The following ZNF860 variants were observed in gnomAD, a reference collection of about 807,000 sequenced individuals.
ZNF860 encodes zinc finger protein 860.
For missense variants in ZNF860, 641 were observed against 759.2 expected (o/e 0.84, Z 1.83); for synonymous variants, 206 against 248.9 (o/e 0.83, Z 1.62).
At position 31,981,932 on chromosome 3, in the gene ZNF860, G is replaced by A. The variant is rs916736304; in HGVS notation, c.-421+30G>A. The A allele has an allele frequency of 1.3e-5, 2 of 152,222 alleles. No homozygotes were observed. The highest frequency in any genetic ancestry group is 6.5e-5 in the Admixed American group (1 of 15,284). The allele number at this position is 152,222 out of a possible 1,614,324, so 9.4% of individuals were successfully genotyped here. ...GCTCGCCGGGCATTTTCATGCAGCA[G>A]GATTATGATAAATGCTTAACAGACA... On this transcript the variant is annotated intron_variant, in intron 1 of 1. Coordinates refer to ENST00000360311, the MANE Select transcript of ZNF860 (RefSeq NM_001137674.3). This position sits in a 1 kb window ranked among gnomAD's most constrained non-coding sequence, Gnocchi z 4.5.
chr3:31,989,799 T>G lies in ZNF860; in HGVS notation c.720T>G (p.Asn240Lys). Residue 240 changes from asparagine (N) to lysine (K), a missense_variant, in exon 2 of 2, where the codon AAT becomes AAG. Asn to Lys is a moderately conservative substitution (Grantham distance 94, BLOSUM62 0). Transcript: ENST00000360311. Reference sequence around the variant, plus strand: ...GTAATGAGAGTGGCAAAGCCTTTAATTGTAGCTCACTCTTAAGGAAACATC... The same window carrying G: ...GTAATGAGAGTGGCAAAGCCTTTAAGTGTAGCTCACTCTTAAGGAAACATC... ...FQCNESGKAF[N>K]CSSLLRKHQI... The G allele has an allele frequency of 6.2e-7, 1 of 1,614,170 alleles. No individual in the cohort carries two copies. The highest frequency in any genetic ancestry group is 2.2e-5 in the East Asian group (1 of 44,872).
chr3:32,003,804 C>G, the ZNF860 span, among the ~76,000 whole-genome samples: 1 of 152,112 alleles, frequency 6.6e-6, no homozygotes, highest in East Asian at 1.9e-4. Context: ...CCAAGGCTGT[C>G]CCTGGAGGTC....
In ZNF860 at chr3:31,981,757, C is replaced by G. The variant is rs1260603187; in HGVS notation, c.-566C>G. 1 of 152,404 alleles carries G rather than the reference C, an allele frequency of 6.6e-6. No homozygotes were observed. Among genetic ancestry groups the G allele is most frequent in the Non-Finnish European group, 1.5e-5 (1 of 68,244 alleles). The allele number at this position is 152,404 out of a possible 1,614,324, so 9.4% of individuals were successfully genotyped here. A position where few individuals can be genotyped will look rare whatever the true frequency, so the allele number is the denominator to read the frequency against. The stretch of plus-strand genomic sequence containing the variant: ...GGCCTGACAGGCTCACACGCACACT[C>G]CCTCTCTCGGTCTTCCGCACACGAT... On this transcript the variant is annotated 5_prime_UTR_variant, in exon 1 of 2. Coordinates refer to ENST00000360311, the MANE Select transcript of ZNF860 (RefSeq NM_001137674.3). This position sits in a 1 kb window ranked among gnomAD's most constrained non-coding sequence, Gnocchi z 4.5.
downstream of ZNF860, among the ~76,000 whole-genome samples, chr3:31,991,896 T>A (rs1383928161): frequency 6.6e-6 from 1 of 151,058 alleles, no homozygotes; most frequent in Admixed American, 6.6e-5. Context: ...CAGTGGCTCA[T>A]GCCTGTAATC....
Position 31,990,293 on chromosome 3 carries a change from A to G in ZNF860, c.1214A>G (p.Lys405Arg), listed in dbSNP as rs753451627. 1.2e-5 allele frequency: 19 copies of G among 1,614,138 alleles called. No individual in the cohort carries two copies. The East Asian group carries it at 3.3e-4, about 28-fold the overall frequency. Reference sequence around the variant, plus strand: ...CTTTATAAATGTAATGATTGTCACAAAGTCTTCAGTAATGCTACAACCATT... The same window carrying G: ...CTTTATAAATGTAATGATTGTCACAGAGTCTTCAGTAATGCTACAACCATT... The part of the protein sequence containing the change: ...GKLYKCNDCH[K>R]VFSNATTIAN... Residue 405 changes from lysine to arginine, a missense_variant, in exon 2 of 2, where the codon AAA becomes AGA. Transcript: ENST00000360311.
downstream of ZNF860, among the ~76,000 whole-genome samples, chr3:31,993,718 A>G (rs922255699): frequency 6.6e-6 from 1 of 151,746 alleles, no homozygotes; most frequent in African/African-American, 2.4e-5. Context: ...AACTGAGGAT[A>G]CCAAGTGCTG....
chr3:31,996,015 CA>C (rs1050834720), downstream of ZNF860, among the ~76,000 whole-genome samples: 1 of 151,894 alleles, frequency 6.6e-6, no homozygotes, highest in Non-Finnish European at 1.5e-5. Context: ...AAATGAAACT[CA>C]AAAAAAGGAG....
In ZNF860 at chr3:31,990,247, G is replaced by A. The variant is rs1418807329; in HGVS notation, c.1168G>A (p.Ala390Thr). The A allele has an allele frequency of 2.5e-6, 4 of 1,613,964 alleles. No individual in the cohort carries two copies. The African/African-American group carries it at 4.0e-5, about 16-fold the overall frequency. Reference sequence around the variant, plus strand: ...GCAGTCAACACTTATTCACCATCAAGCAATCCATGGTATAGGGAAACTTTA... The same window carrying A: ...GCAGTCAACACTTATTCACCATCAAACAATCCATGGTATAGGGAAACTTTA... ...SGQSTLIHHQ[A>T]IHGIGKLYKC... Residue 390 changes from alanine (A) to threonine (T), a missense_variant, in exon 2 of 2, where the codon GCA becomes ACA. Coordinates refer to ENST00000360311, the MANE Select transcript of ZNF860 (RefSeq NM_001137674.3).
At chr3:31,988,084 G>A (rs929353633) in intron 1 of ZNF860, among the ~76,000 whole-genome samples, 1 of 152,192 alleles carries the variant, frequency 6.6e-6, no homozygotes, top group Non-Finnish European at 1.5e-5. Context: ...TTGCCCAACT[G>A]GCTTTCAAAA....
downstream of ZNF860, among the ~76,000 whole-genome samples, chr3:31,994,018 C>T (rs1699063372): frequency 6.6e-6 from 1 of 152,134 alleles, no homozygotes; most frequent in Non-Finnish European, 1.5e-5. Flanking sequence ...AACTATGGTA[C>T]ATGTATACAA....
At chr3:32,000,931 A>G in the ZNF860 span, among the ~76,000 whole-genome samples, 153 of 152,286 alleles carry the variant, frequency 1.0e-3, no homozygotes, top group East Asian at 0.023. Flanking sequence ...TTGGAACTGG[A>G]ATGAAGAAAA....
At chr3:31,995,323 G>A (rs898362097), downstream of ZNF860, among the ~76,000 whole-genome samples, 18 of 152,100 alleles carry the variant, frequency 1.2e-4, no homozygotes, top group Middle Eastern at 3.2e-3. Flanking sequence ...CAGAGCGGCC[G>A]TTTATAGACC....
At chr3:31,999,119 T>C in the ZNF860 span, among the ~76,000 whole-genome samples, 2 of 152,160 alleles carry the variant, frequency 1.3e-5, no homozygotes, top group Non-Finnish European at 2.9e-5. Context: ...GTTAGCTTGA[T>C]CAGCTGTCTC....
intron 1 of ZNF860, chr3:31,986,518 G>A (rs980586831): frequency 8.5e-5 from 13 of 152,320 alleles, no homozygotes; most frequent in African/African-American, 2.6e-4. Context: ...GGCTGAGGCG[G>A]GCAGATCACG....
Position 31,990,028 on chromosome 3 carries a change from G to T in ZNF860, c.949G>T (p.Glu317Ter), listed in dbSNP as rs549794878. The T allele has an allele frequency of 3.2e-5, 52 of 1,613,798 alleles. No individual in the cohort carries two copies. The South Asian group carries it at 5.5e-4, about 17-fold the overall frequency. Residue 317 changes from glutamate to a stop codon, truncating the protein, a stop_gained, in exon 2 of 2, where the codon GAA becomes TAA. Transcript: ENST00000360311. LOFTEE classifies it low-confidence loss of function (END_TRUNC). ...TACTGGAGAGAAACCTTACAAATGT[G>T]AAGAATGTGACAAAGTTTTTAGTCG... ...LHTGEKPYKC[E>*]ECDKVFSRKS...
chr3:31,993,999 A>C (rs572028629), downstream of ZNF860, among the ~76,000 whole-genome samples: 10 of 152,372 alleles, frequency 6.6e-5, 1 homozygote, highest in Non-Finnish European at 1.2e-4. Flanking sequence ...TGAATTAAAA[A>C]TGTAAACCAA....
At chr3:31,993,899 CA>C (rs377747870), downstream of ZNF860, among the ~76,000 whole-genome samples, 7 of 150,684 alleles carry the variant, frequency 4.6e-5, no homozygotes, top group Admixed American at 6.6e-5. Context: ...TATGTTTGTA[CA>C]AAAAAAAACT....
rs1699018677 is a variant in ZNF860, at chr3:31,990,809, A to C, written c.1730A>C (p.Gln577Pro). The change falls in exon 2 of 2, where the codon CAA (glutamine) becomes CCA (proline). Residue 577 changes from glutamine to proline, a missense_variant. Physicochemically the swap from Gln to Pro is moderately conservative, Grantham distance 76 (BLOSUM62 -1). Transcript: ENST00000360311. ...KCDDFDEAFS[Q>P]ASSYAKQRRI... ...GATGATTTTGACGAGGCCTTCAGTC[A>C]AGCTTCATCTTATGCAAAACAAAGG... is the stretch of plus-strand genomic sequence containing the variant. 2 of 1,605,460 alleles carry C rather than the reference A, an allele frequency of 1.2e-6. No homozygotes were observed. Among genetic ancestry groups the C allele is most frequent in the Non-Finnish European group, 1.7e-6 (2 of 1,175,310 alleles).
At chr3:32,005,203 T>C in the ZNF860 span, among the ~76,000 whole-genome samples, 1 of 152,106 alleles carries the variant, frequency 6.6e-6, no homozygotes, top group Non-Finnish European at 1.5e-5. Context: ...CATTAGGTAT[T>C]TGTCCTAATG....
Sources: allele counts gnomAD v4.1 joint callset (sites outside exome capture counted in the v4.1 genomes callset), GRCh38; gene constraint gnomAD v4.1.1; non-coding constraint Gnocchi (gnomAD v3.1); transcripts MANE v1.5; gene names NCBI Gene and HGNC (gene_info 2026-07-23, HGNC 2026-07-21).